FAM110A: variants seen among roughly 807,000 people sequenced by gnomAD.
The protein encoded by FAM110A is family with sequence similarity 110 member A, also known as protein FAM110A.
Under a neutral mutation model 4.0 loss-of-function variants are expected in FAM110A, and 1 was observed. The observed-to-expected ratio is 0.25, with a 90% CI of 0.09 to 1.20. The LOEUF is 1.20. FAM110A is among the 50% of genes most tolerant of loss of function. The pLI is 0.50. For synonymous variants in FAM110A, 217 were observed against 196.8 expected, an observed-to-expected ratio of 1.10 and a Z score of -0.86; for missense variants, 436 against 429.2, an observed-to-expected ratio of 1.02 and a Z score of -0.14.
chr20:841,730 G>C (rs901144995), intron 1 of FAM110A, among the ~76,000 whole-genome samples: 1 of 152,208 alleles, frequency 6.6e-6, no homozygotes, highest in Non-Finnish European at 1.5e-5. Flanking sequence ...GGAGGCATTT[G>C]AATCCGTGGG....
At chr20:839,458 G>T (rs1250860969) in intron 1 of FAM110A, 4 of 763,038 alleles carry the variant, frequency 5.2e-6, no homozygotes, top group Non-Finnish European at 7.2e-6. Context: ...TATTGAGGTG[G>T]CTGACCACGT....
chr20:842,315 C>T (rs1979973404), intron 1 of FAM110A, among the ~76,000 whole-genome samples: 1 of 152,186 alleles, frequency 6.6e-6, no homozygotes, highest in Non-Finnish European at 1.5e-5. Flanking sequence ...GCTGGGGGCC[C>T]GATCGGGGTC....
chr20:844,597 C>T (rs1172666289), intron 1 of FAM110A, 111 bp from the exon 2 acceptor site: 6 of 648,600 alleles, frequency 9.3e-6, no homozygotes, highest in Non-Finnish European at 1.3e-5. Flanking sequence ...TGTGGAGGGG[C>T]GTGGTCTCTA....
chr20:842,829 G>C (rs894936469), intron 1 of FAM110A, among the ~76,000 whole-genome samples: 1 of 152,120 alleles, frequency 6.6e-6, no homozygotes, highest in Admixed American at 6.5e-5. Context: ...CCTGCAGCAG[G>C]CAGGGTACCT....
rs1388858215 is a variant in FAM110A, at chr20:845,361, G to A, written c.557G>A (p.Arg186His). 8 of 1,609,148 alleles carry A rather than the reference G, an allele frequency of 5.0e-6. No homozygotes were observed. The highest frequency in any genetic ancestry group is 6.8e-6 in the Non-Finnish European group (8 of 1,178,106). ...SSPARPPGLQ[R>H]SKSDLSERFS... is the part of the protein sequence containing the mutation. Reference sequence around the variant, plus strand: ...CCAGCCCGGCCGCCGGGTTTGCAACGCTCCAAGTCGGACTTGAGCGAGCGC... The same window carrying A: ...CCAGCCCGGCCGCCGGGTTTGCAACACTCCAAGTCGGACTTGAGCGAGCGC... Residue 186 changes from arginine (R) to histidine (H), a missense_variant, in exon 2 of 2, where the codon CGC (arginine) becomes CAC (histidine). Coordinates refer to ENST00000381941, the MANE Select transcript of FAM110A (RefSeq NM_001042353.3).
chr20:843,819 G>C (rs1980082064), intron 1 of FAM110A, among the ~76,000 whole-genome samples: 1 of 152,228 alleles, frequency 6.6e-6, no homozygotes, highest in Non-Finnish European at 1.5e-5. Context: ...CTCCTCCCAG[G>C]TGAGTACCCA....
chr20:844,672 C>T (rs1358846583), intron 1 of FAM110A, 36 bp from the exon 2 acceptor site: 4 of 1,256,350 alleles, frequency 3.2e-6, no homozygotes, highest in East Asian at 3.0e-5. Flanking sequence ...TGAGCGCGCT[C>T]GGCTTTTTTT....
chr20:843,071 AAT>A (rs774912326), intron 1 of FAM110A, among the ~76,000 whole-genome samples: 1 of 152,136 alleles, frequency 6.6e-6, no homozygotes, highest in African/African-American at 2.4e-5. Context: ...ACCATACACA[AAT>A]AGAGTACTTG....
At chr20:835,213 T>TATAC (rs1555787559) in intron 1 of FAM110A, among the ~76,000 whole-genome samples, 5 of 148,504 alleles carry the variant, frequency 3.4e-5, no homozygotes, top group Admixed American at 6.7e-5. Flanking sequence ...TATATATATA[T>TATAC]ACACACACAC....
At chr20:837,048 T>G (rs1043741629) in intron 1 of FAM110A, among the ~76,000 whole-genome samples, 16 of 138,526 alleles carry the variant, frequency 1.2e-4, no homozygotes, top group African/African-American at 3.7e-4. Context: ...CTGCATTGTT[T>G]TTTTTTTTTT....
rs1980163310 is a variant in FAM110A, at chr20:844,738, G to T, written c.-67G>T. 8 of 1,342,004 alleles carry T rather than the reference G, an allele frequency of 6.0e-6. No individual in the cohort carries two copies. The South Asian group carries it at 7.3e-5, about 12-fold the overall frequency. The allele number at this position is 1,342,004 out of a possible 1,614,324, so 83.1% of individuals were successfully genotyped here. ...GCCGGTGTCCAGCTGCCTACTTTCTGCCCGGATCTCTGGCTCCTCATCTCT... is the reference window on the plus strand; with the variant it reads ...GCCGGTGTCCAGCTGCCTACTTTCTTCCCGGATCTCTGGCTCCTCATCTCT... On this transcript the variant is annotated 5_prime_UTR_variant, in exon 2 of 2. Transcript: ENST00000381941.
intron 1 of FAM110A, among the ~76,000 whole-genome samples, 184 bp from the exon 2 acceptor site, chr20:844,524 G>A (rs1172568648): frequency 1.3e-5 from 2 of 152,010 alleles, no homozygotes; most frequent in Non-Finnish European, 2.9e-5. Context: ...GGGCAGGAGG[G>A]AGGGGGTGTG....
rs775528083 is a variant in FAM110A, at chr20:845,314, C to T, written c.510C>T (p.Pro170=). 3.5e-5 allele frequency: 54 copies of T among 1,550,552 alleles called. No homozygotes were observed. Among genetic ancestry groups the T allele is most frequent in the Non-Finnish European group, 4.2e-5 (48 of 1,148,072 alleles). Residue 170 remains proline (P), a synonymous_variant, in exon 2 of 2, where the codon CCC becomes CCT. Coordinates refer to ENST00000381941, the MANE Select transcript of FAM110A (RefSeq NM_001042353.3). The part of the protein sequence containing the change: ...PASPARPCPS[P]GPAAASSPAR... ...CGCCTGCCCGGCCCTGCCCATCACC[C>T]GGCCCTGCCGCCGCCTCCAGCCCAG...
rs116275551 is a variant in FAM110A at position 843,998 on chromosome 20, C to T, written c.-97-710C>T. On this transcript the variant is annotated intron_variant, in intron 1 of 1. Transcript: ENST00000381941. ...CATCCAGTTCCATGCAGGAAGCTGACGGATGTCTGGACTCCACTGGGGCGC... is the reference window on the plus strand; with the variant it reads ...CATCCAGTTCCATGCAGGAAGCTGATGGATGTCTGGACTCCACTGGGGCGC... Among the ~76,000 whole-genome samples, 565 of 152,296 alleles carry T rather than the reference C, an allele frequency of 3.7e-3. 2 individuals carry two copies. The highest frequency in any genetic ancestry group is 0.013 in the African/African-American group (535 of 41,538).
At position 834,900 on chromosome 20, in the gene FAM110A, C is replaced by T. The variant is rs1326876866; in HGVS notation, c.-98+949C>T. On this transcript the variant is annotated intron_variant, in intron 1 of 1. Coordinates refer to ENST00000381941, the MANE Select transcript of FAM110A (RefSeq NM_001042353.3). The surrounding 1 kb of genome is among the most constrained non-coding windows in gnomAD (Gnocchi z 5.6). ...GGACTCAGAAAGAAAACAAGGCTTTCTTTTATTCTTTCAACAAATATTATT... is the reference window on the plus strand; with the variant it reads ...GGACTCAGAAAGAAAACAAGGCTTTTTTTTATTCTTTCAACAAATATTATT... Among the ~76,000 whole-genome samples, 2 of 152,170 alleles carry T rather than the reference C, an allele frequency of 1.3e-5. No homozygotes were observed. Among genetic ancestry groups the T allele is most frequent in the Non-Finnish European group, 2.9e-5 (2 of 68,020 alleles).
intron 1 of FAM110A, among the ~76,000 whole-genome samples, chr20:838,174 C>A (rs917793132): frequency 3.3e-5 from 5 of 152,122 alleles, no homozygotes; most frequent in Admixed American, 3.3e-4. Flanking sequence ...CACAGTGAGA[C>A]CTCATTTCTA....
chr20:836,836 G>C (rs1227017172), intron 1 of FAM110A, among the ~76,000 whole-genome samples: 2 of 152,006 alleles, frequency 1.3e-5, no homozygotes, highest in Non-Finnish European at 2.9e-5. Context: ...AGTGCACAAA[G>C]TGCTAATTTC....
Position 845,383 on chromosome 20 carries a change from G to T in FAM110A, c.579G>T (p.Glu193Asp), listed in dbSNP as rs1330047082. Residue 193 changes from glutamate to aspartate, a missense_variant, in exon 2 of 2, where the codon GAG becomes GAT. By Grantham distance (45) the Glu-to-Asp change is conservative. Transcript: ENST00000381941. ...AACGCTCCAAGTCGGACTTGAGCGA[G>T]CGCTTTTCTAGGGCAGCCGCTGATC... ...GLQRSKSDLS[E>D]RFSRAAADLE... is the part of the protein sequence containing the mutation. 4 of 1,612,988 alleles carry T rather than the reference G, an allele frequency of 2.5e-6. No homozygotes were observed. In the Admixed American group the frequency reaches 6.7e-5, roughly 27 times the overall value.
At chr20:835,473 T>C (rs1035402930) in intron 1 of FAM110A, among the ~76,000 whole-genome samples, 2 of 151,976 alleles carry the variant, frequency 1.3e-5, no homozygotes. Flanking sequence ...CCCTTTCTAA[T>C]CCTGCGTGCC....
Sources: gnomAD v4.1 joint callset for allele counts (sites outside exome capture counted in the v4.1 genomes callset) on GRCh38, gnomAD v4.1.1 for gene constraint, Gnocchi (gnomAD v3.1) non-coding constraint, MANE v1.5 for transcripts, NCBI Gene and HGNC (gene_info 2026-07-23, HGNC 2026-07-21) for gene names.